The following DDX49 variants were observed in gnomAD, a reference collection of about 807,000 sequenced individuals.
The protein encoded by DDX49 is probable ATP-dependent RNA helicase DDX49.
In DDX49, 50 loss-of-function variants were observed where a neutral mutation model predicts 56.3. The observed-to-expected ratio is 0.89, with a 90% CI of 0.71 to 1.12. The LOEUF (loss-of-function observed/expected upper bound fraction) is 1.12. Ranked by LOEUF, DDX49 falls within the 50% of genes most tolerant of loss-of-function variation. The pLI is 0.00. For missense variants in DDX49, 614 were observed against 650.5 expected (o/e 0.94, Z 0.61); for synonymous variants, 269 against 270.6 (o/e 0.99, Z 0.06).
intron 4 of DDX49, 154 bp downstream of exon 4, chr19:18,922,118 G>A: frequency 2.4e-6 from 3 of 1,238,912 alleles, no homozygotes; most frequent in Non-Finnish European, 3.3e-6. Flanking sequence ...GACCGTTCAA[G>A]GACCAACAAG....
intron 2 of DDX49, 26 bp downstream of exon 2, chr19:18,920,729 T>C (rs770703822): frequency 1.5e-5 from 23 of 1,583,414 alleles, no homozygotes; most frequent in Non-Finnish European, 1.9e-5. Flanking sequence ...GCCTCCTGGG[T>C]ATGGGTTAAC....
At chr19:18,922,188 G>A in intron 4 of DDX49, 138 bp from the exon 5 acceptor site, 1 of 1,229,968 alleles carries the variant, frequency 8.1e-7, no homozygotes, top group Non-Finnish European at 1.1e-6. Context: ...CTTGGGTGAG[G>A]GGCAGGCCTC....
chr19:18,923,625 CCT>C (rs1169110535), intron 6 of DDX49, among the ~76,000 whole-genome samples: 2 of 152,042 alleles, frequency 1.3e-5, no homozygotes, highest in African/African-American at 2.4e-5. Flanking sequence ...CCCTCTTTCT[CCT>C]CTGTTTTCCT....
intron 6 of DDX49, among the ~76,000 whole-genome samples, chr19:18,923,931 C>G (rs2056939371): frequency 6.6e-6 from 1 of 151,880 alleles, no homozygotes; most frequent in Non-Finnish European, 1.5e-5. Context: ...CCTCAGCCTC[C>G]TGAGTAGCTG....
rs181253329 is a variant in DDX49 at position 18,920,943 on chromosome 19, C to A, written c.239+240C>A. ...ATCACTTGAGGCCAGGAGTTTGAGA[C>A]CAGCCTGACCAACATGGAGAAACCC... On this transcript the variant is annotated intron_variant, in intron 2 of 12. Transcript: ENST00000247003. 2.9e-3 allele frequency: 800 copies of A among 277,872 alleles called. 6 individuals carry two copies. Among genetic ancestry groups the A allele is most frequent in the African/African-American group, 0.016 (748 of 45,900 alleles). 17.2% of individuals were successfully genotyped at this position (277,872 alleles called of 1,614,324 possible). A position where few individuals can be genotyped will look rare whatever the true frequency, so the allele number is the denominator to read the frequency against.
chr19:18,924,421 C>G lies in DDX49; in HGVS notation c.852+113C>G, dbSNP rs1199868218. On this transcript the variant is annotated intron_variant, in intron 7 of 12. Transcript: ENST00000247003. ...CCTTCTTCCTGCCACCTGGTCTCTT[C>G]TGGTCCCAGAATATCGCAGCTCAAG... 2.6e-6 allele frequency: 3 copies of G among 1,173,964 alleles called. No homozygotes were observed. In the Admixed American group the frequency reaches 5.8e-5, roughly 23 times the overall value. The allele number at this position is 1,173,964 out of a possible 1,614,324, so 72.7% of individuals were successfully genotyped here.
In DDX49 at chr19:18,922,030, G is replaced by A. The variant is rs1345292357; in HGVS notation, c.447+66G>A. ...CGGAGCCTCCAGGCCCAATGTCAGA[G>A]CCTGGGGCACCATCTCATCCATTTA... On this transcript the variant is annotated intron_variant, in intron 4 of 12. Transcript: ENST00000247003. The A allele has an allele frequency of 2.6e-6, 4 of 1,544,708 alleles. No individual in the cohort carries two copies. The South Asian group carries it at 3.6e-5, about 14-fold the overall frequency.
intron 11 of DDX49, 54 bp downstream of exon 11, chr19:18,927,908 C>A: frequency 6.2e-7 from 1 of 1,613,826 alleles, no homozygotes; most frequent in East Asian, 2.2e-5. Flanking sequence ...CGGGGGTGCT[C>A]CCTTCCAGGT....
Position 18,924,699 on chromosome 19 carries a change from G to A in DDX49, c.929G>A (p.Arg310Gln), listed in dbSNP as rs200500683. 1.0e-4 allele frequency: 164 copies of A among 1,614,034 alleles called. No homozygotes were observed. Among genetic ancestry groups the A allele is most frequent in the Non-Finnish European group, 1.3e-4 (158 of 1,180,028 alleles). The change falls in exon 8 of 13, where the codon CGG becomes CAG. Residue 310 changes from arginine to glutamine, a missense_variant and splice_region_variant. By Grantham distance (43) the Arg-to-Gln change is conservative. Coordinates refer to ENST00000247003, the MANE Select transcript of DDX49 (RefSeq NM_019070.5). ...CTGATCGCAACAGACGTGGCCTCCCGGTGAGCAGCCCCCAGTCTCCTGCCA... is the reference window on the plus strand; with the variant it reads ...CTGATCGCAACAGACGTGGCCTCCCAGTGAGCAGCCCCCAGTCTCCTGCCA... Reference protein sequence around the residue: ...RILIATDVASRGLDIPTVQVV... With the variant: ...RILIATDVASQGLDIPTVQVV...
chr19:18,922,951 G>A (rs915376679), intron 6 of DDX49, among the ~76,000 whole-genome samples: 1 of 152,222 alleles, frequency 6.6e-6, no homozygotes, highest in Non-Finnish European at 1.5e-5. Context: ...GTTGATGGAA[G>A]GGCCAGGAAA....
chr19:18,924,323 G>A lies in DDX49; in HGVS notation c.852+15G>A, dbSNP rs2145102989. 5 of 1,594,990 alleles carry A rather than the reference G, an allele frequency of 3.1e-6. No individual in the cohort carries two copies. Among genetic ancestry groups the A allele is most frequent in the Non-Finnish European group, 3.4e-6 (4 of 1,174,924 alleles). On this transcript the variant is annotated intron_variant, in intron 7 of 12. Transcript: ENST00000247003. ...TGATGAAGCAGGTGAGGCCACCCTG[G>A]GGCCCGCCAGCCTCACCCTGGGATA... is the stretch of plus-strand genomic sequence containing the variant.
At chr19:18,928,058 A>AG in intron 12 of DDX49, 22 bp downstream of exon 12, 2 of 1,607,950 alleles carry the variant, frequency 1.2e-6, no homozygotes, top group Non-Finnish European at 8.5e-7. Flanking sequence ...GCCCGCAGGT[A>AG]GGGGGTGGGT....
chr19:18,921,805 C>T, intron 3 of DDX49, 38 bp from the exon 4 acceptor site: 4 of 1,614,066 alleles, frequency 2.5e-6, no homozygotes, highest in Non-Finnish European at 3.4e-6. Flanking sequence ...AGCTTTGGAC[C>T]ACCTGCCCAG....
chr19:18,924,357 G>T, intron 7 of DDX49, 49 bp downstream of exon 7: 2 of 1,550,418 alleles, frequency 1.3e-6, no homozygotes, highest in Non-Finnish European at 1.8e-6. Context: ...TACCTTCCCC[G>T]CCTCAGACAT....
rs778625677 is a variant in DDX49 at position 18,927,988 on chromosome 19, C to T, written c.1215C>T (p.Asp405=). 13 of 1,613,518 alleles carry T rather than the reference C, an allele frequency of 8.1e-6. No homozygotes were observed. Among genetic ancestry groups the T allele is most frequent in the African/African-American group, 1.3e-5 (1 of 74,786 alleles). The change falls in exon 12 of 13, where the codon GAC becomes GAT. Residue 405 remains aspartate, a synonymous_variant. Coordinates refer to ENST00000247003, the MANE Select transcript of DDX49 (RefSeq NM_019070.5). ...CEIKLEAAHF[D]EKKEINKRKQ... ...AGAAACTGGAGGCGGCCCACTTTGA[C>T]GAAAAGAAGGAGATCAACAAACGGA...
At position 18,926,375 on chromosome 19, in the gene DDX49, T is replaced by C; in HGVS notation, c.1100T>C (p.Ile367Thr). Residue 367 changes from isoleucine (I) to threonine (T), a missense_variant and splice_region_variant, in exon 10 of 13, where the codon ATC becomes ACC. By Grantham distance (89) the Ile-to-Thr change is moderately conservative. Transcript: ENST00000247003. ...CTGGTGCACGCCATCGAGGAGCAGA[T>C]CAGTGAGTGGGGTTGGGGTGGGTGG... ...IHLVHAIEEQ[I>T]KKKLEEFSVE... 4.8e-6 allele frequency: 7 copies of C among 1,449,192 alleles called. No homozygotes were observed. The highest frequency in any genetic ancestry group is 6.4e-6 in the Non-Finnish European group (7 of 1,088,592). 89.8% of individuals were successfully genotyped at this position (1,449,192 alleles called of 1,614,324 possible). A position where few individuals can be genotyped will look rare whatever the true frequency, so the allele number is the denominator to read the frequency against.
intron 7 of DDX49, 46 bp downstream of exon 7, chr19:18,924,354 C>G (rs1265912008): frequency 3.2e-6 from 5 of 1,560,736 alleles, no homozygotes; most frequent in African/African-American, 2.7e-5. Flanking sequence ...GGATACCTTC[C>G]CCGCCTCAGA....
At chr19:18,923,574 C>T (rs759942973) in intron 6 of DDX49, among the ~76,000 whole-genome samples, 2 of 152,060 alleles carry the variant, frequency 1.3e-5, no homozygotes, top group Non-Finnish European at 2.9e-5. Flanking sequence ...GTGGCAGGAT[C>T]CAGCAGCTTA....
chr19:18,927,686 G>C, intron 10 of DDX49, 80 bp from the exon 11 acceptor site: 1 of 1,219,370 alleles, frequency 8.2e-7, no homozygotes, highest in Non-Finnish European at 1.2e-6. Context: ...CACAGCATGG[G>C]GAACTCACTA....
Sources: allele counts gnomAD v4.1 joint callset (sites outside exome capture counted in the v4.1 genomes callset), GRCh38; gene constraint gnomAD v4.1.1; transcripts MANE v1.5; gene names NCBI Gene and HGNC (gene_info 2026-07-23, HGNC 2026-07-21).